ULK2: variants seen among roughly 807,000 people sequenced by gnomAD.
ULK2 encodes the protein unc-51 like autophagy activating kinase 2.
ULK2 carries 76 observed loss-of-function variants against 127.5 expected under a neutral mutation model. The observed-to-expected ratio is 0.60, with a 90% CI of 0.50 to 0.72. ULK2 has a LOEUF of 0.72. Ranked by LOEUF, ULK2 falls within the 30% of genes least tolerant of loss-of-function variation. The probability of loss-of-function intolerance (pLI) is 0.00; values close to 1 mark genes in which losing one functional copy is unlikely to be tolerated. For missense variants in ULK2, 1,144 were observed against 1,295.9 expected (o/e 0.88, Z 1.80); for synonymous variants, 452 against 461.9 (o/e 0.98, Z 0.28).
At chr17:19,777,460 A>G (rs2086833279) in intron 26 of ULK2, 121 bp downstream of exon 26, 13 of 1,126,240 alleles carry the variant, frequency 1.2e-5, no homozygotes, top group Non-Finnish European at 1.6e-5. Flanking sequence ...TGATTTGCAC[A>G]AGGCTGGAAA....
intron 10 of ULK2, among the ~76,000 whole-genome samples, chr17:19,834,228 A>C (rs1483927792): frequency 2.6e-5 from 4 of 152,082 alleles, no homozygotes; most frequent in East Asian, 1.9e-4. Flanking sequence ...AAAAAAAAAA[A>C]CACTTTTCCA....
chr17:19,820,093 G>A (rs1249437209), intron 12 of ULK2, among the ~76,000 whole-genome samples: 1 of 149,620 alleles, frequency 6.7e-6, no homozygotes, highest in Non-Finnish European at 1.5e-5. Flanking sequence ...TCTATCACCA[G>A]GCTGGAGTGC....
At chr17:19,856,797 C>T (rs1320978309) in intron 3 of ULK2, among the ~76,000 whole-genome samples, 1 of 149,580 alleles carries the variant, frequency 6.7e-6, no homozygotes, top group East Asian at 2.0e-4. Context: ...ACGGTGAAAC[C>T]CCGTCTCTAC....
chr17:19,791,313 G>C (rs2087147449), intron 20 of ULK2, among the ~76,000 whole-genome samples: 1 of 152,228 alleles, frequency 6.6e-6, no homozygotes, highest in Non-Finnish European at 1.5e-5. Flanking sequence ...ACTTCGGGAG[G>C]CTGAGGCGGG....
chr17:19,816,882 TAAG>T lies in ULK2; in HGVS notation c.960_962del (p.Asn320_Leu321delinsLys). On this transcript the variant is annotated inframe_deletion, in exon 13 of 27. Coordinates refer to ENST00000395544, the MANE Select transcript of ULK2 (RefSeq NM_014683.4). The stretch of plus-strand genomic sequence containing the variant: ...TGGGAGGACCCAATGGTGGGGAAGA[TAAG>T]TTTTCTTCCTGAATATGCTGCATAT... 6.2e-7 allele frequency: 1 copy of T among 1,609,450 alleles called. No individual in the cohort carries two copies.
intron 3 of ULK2, among the ~76,000 whole-genome samples, chr17:19,857,720 C>T (rs1053260777): frequency 3.9e-5 from 6 of 152,114 alleles, no homozygotes; most frequent in Non-Finnish European, 7.4e-5. Flanking sequence ...AAAACAAAAA[C>T]GGTATCACTC....
chr17:19,850,069 A>C (rs2041978635), intron 3 of ULK2, among the ~76,000 whole-genome samples: 1 of 152,206 alleles, frequency 6.6e-6, no homozygotes, highest in South Asian at 2.1e-4. Flanking sequence ...CAACAGATCT[A>C]GGACAAAAAG....
chr17:19,863,327 T>C (rs977302376), intron 3 of ULK2, among the ~76,000 whole-genome samples: 1 of 152,060 alleles, frequency 6.6e-6, no homozygotes, highest in African/African-American at 2.4e-5. Context: ...ACATTTACCT[T>C]ACCCGAATTC....
chr17:19,858,160 G>A (rs1250217781), intron 3 of ULK2, among the ~76,000 whole-genome samples: 1 of 152,108 alleles, frequency 6.6e-6, no homozygotes, highest in East Asian at 1.9e-4. Flanking sequence ...AGCACTTTGG[G>A]AAGCCAAGCT....
In ULK2 at chr17:19,783,900, G is replaced by A; in HGVS notation, c.2257C>T (p.Pro753Ser). 6.6e-7 allele frequency: 1 copy of A among 1,509,426 alleles called. No homozygotes were observed. Among genetic ancestry groups the A allele is most frequent in the East Asian group, 2.4e-5 (1 of 41,788 alleles). 93.5% of individuals were successfully genotyped at this position (1,509,426 alleles called of 1,614,324 possible). Residue 753 changes from proline (P) to serine (S), a missense_variant, in exon 22 of 27, where the codon CCC becomes TCC. By Grantham distance (74) the Pro-to-Ser change is moderately conservative. This residue lies in a region of ULK2 where 913 missense variants were observed against 970.5 expected (regional missense o/e 0.94). Coordinates refer to ENST00000395544, the MANE Select transcript of ULK2 (RefSeq NM_014683.4). ...FLRTRTTSVG[P>S]SNSGGSLCAM... ...CAAAGAGAGCCCCCGGAGTTGCTGG[G>A]CCCCACTACAAGGAAACAGAGGATA...
intron 7 of ULK2, among the ~76,000 whole-genome samples, chr17:19,844,899 C>T (rs1316873703): frequency 1.3e-5 from 2 of 152,120 alleles, no homozygotes; most frequent in Non-Finnish European, 2.9e-5. Context: ...AAAACATCTA[C>T]AACACAGGGA....
chr17:19,825,325 A>C (rs2041261195), intron 11 of ULK2, 143 bp from the exon 12 acceptor site: 3 of 644,416 alleles, frequency 4.7e-6, no homozygotes, highest in Non-Finnish European at 2.7e-6. Flanking sequence ...TCTGCTGATG[A>C]AACTAAAAAT....
At chr17:19,788,586 C>A (rs1336006047) in intron 20 of ULK2, among the ~76,000 whole-genome samples, 1 of 151,910 alleles carries the variant, frequency 6.6e-6, no homozygotes, top group Non-Finnish European at 1.5e-5. Flanking sequence ...CATGCTTGGG[C>A]CTTGGGTGAG....
At chr17:19,781,819 A>G in intron 23 of ULK2, 70 bp downstream of exon 23, 1 of 1,522,038 alleles carries the variant, frequency 6.6e-7, no homozygotes, top group Non-Finnish European at 8.9e-7. Context: ...GGATGACAAT[A>G]CCTACAACTT....
chr17:19,799,432 A>C (rs1386286408), intron 17 of ULK2, 63 bp downstream of exon 17: 9 of 1,335,316 alleles, frequency 6.7e-6, no homozygotes, highest in Non-Finnish European at 9.0e-6. Context: ...AACTAGAAAA[A>C]CACAACTCAA....
Position 19,865,841 on chromosome 17 carries a change from A to G in ULK2, c.91-13T>C, listed in dbSNP as rs1168011213. 4 of 1,485,426 alleles carry G rather than the reference A, an allele frequency of 2.7e-6. No individual in the cohort carries two copies. The highest frequency in any genetic ancestry group is 2.8e-5 in the African/African-American group (2 of 71,594). 92.0% of individuals were successfully genotyped at this position (1,485,426 alleles called of 1,614,324 possible). A position where few individuals can be genotyped will look rare whatever the true frequency, so the allele number is the denominator to read the frequency against. ...CCCAATCAGTTTTCTGAAAAGGAAA[A>G]ACAGTGTTACTCCTAGATACCATTC... On this transcript the variant is annotated splice_polypyrimidine_tract_variant and intron_variant, in intron 1 of 26. Transcript: ENST00000395544.
Position 19,783,885 on chromosome 17 carries a change from C to A in ULK2, c.2272G>T (p.Gly758Cys). The A allele has an allele frequency of 6.5e-7, 1 of 1,530,144 alleles. No homozygotes were observed. 94.8% of individuals were successfully genotyped at this position (1,530,144 alleles called of 1,614,324 possible). ...TTSVGPSNSG[G>C]SLCAMSGRVC... ...CGGCCACTCATGGCACAAAGAGAGC[C>A]CCCGGAGTTGCTGGGCCCCACTACA... Residue 758 changes from glycine (G) to cysteine (C), a missense_variant, in exon 22 of 27, where the codon GGC becomes TGC. Around this residue, in one of 2 missense-constraint regions of ULK2, gnomAD observed 913 missense variants for 970.5 expected, o/e 0.94. Transcript: ENST00000395544.
At chr17:19,840,650 G>C (rs897065328) in intron 9 of ULK2, 1 of 178,342 alleles carries the variant, frequency 5.6e-6, no homozygotes, top group Admixed American at 6.3e-5. Context: ...GATGAGGCGG[G>C]GGGATCACTT....
Position 19,827,142 on chromosome 17 carries a change from A to C in ULK2, c.788-956T>G, listed in dbSNP as rs543068663. On this transcript the variant is annotated intron_variant, in intron 10 of 26. Coordinates refer to ENST00000395544, the MANE Select transcript of ULK2 (RefSeq NM_014683.4). The stretch of plus-strand genomic sequence containing the variant: ...TAATTTTAGTCCAACTTTACAAAAC[A>C]TTAAGAAAATAGGTATTCAGACCAT... 3.9e-5 allele frequency among the ~76,000 whole-genome samples: 6 copies of C among 152,300 alleles called. No individual in the cohort carries two copies. In the South Asian group the frequency reaches 1.2e-3, roughly 32 times the overall value.
Sources: allele counts gnomAD v4.1 joint callset (sites outside exome capture counted in the v4.1 genomes callset), GRCh38; gene constraint gnomAD v4.1.1; regional missense constraint gnomAD v4.1.1; transcripts MANE v1.5; gene names NCBI Gene and HGNC (gene_info 2026-07-23, HGNC 2026-07-21).